The following LONRF2 variants were observed in gnomAD, a reference collection of about 807,000 sequenced individuals.
The protein encoded by LONRF2 is LON peptidase N-terminal domain and ring finger 2, also known as LON peptidase N-terminal domain and RING finger protein 2.
A neutral mutation model predicts 66.6 loss-of-function variants in LONRF2; 35 were observed. That is an observed-to-expected ratio of 0.53 (90% CI 0.40 to 0.70). The LOEUF (loss-of-function observed/expected upper bound fraction) is 0.70. Among genes scored for constraint, LONRF2 ranks in the 30% least tolerant of loss-of-function variants. LONRF2 has a pLI of 0.00. For missense variants in LONRF2, 902 were observed against 1,002.1 expected (o/e 0.90, Z 1.35); for synonymous variants, 417 against 418.1 (o/e 1.00, Z 0.03).
rs1204298795 is a variant in LONRF2, at chr2:100,284,371, C to T, written c.2192G>A (p.Arg731Gln). 3 of 1,596,822 alleles carry T rather than the reference C, an allele frequency of 1.9e-6. No homozygotes were observed. The highest frequency in any genetic ancestry group is 1.7e-4 in the Middle Eastern group (1 of 6,038). Residue 731 changes from arginine (R) to glutamine (Q), a missense_variant, in exon 12 of 12, where the codon CGG (arginine) becomes CAG (glutamine). Physicochemically the swap from Arg to Gln is conservative, Grantham distance 43. Coordinates refer to ENST00000393437, the MANE Select transcript of LONRF2 (RefSeq NM_198461.4). ...SLKERLLAIR[R>Q]ILVIITRKMN... ...CTTACGCGTGATGATGACTAATATC[C>T]GTCGGATGGCAAGGAGCCGCTCTTT...
chr2:100,282,540 C>G lies in LONRF2; in HGVS notation c.*1758G>C, dbSNP rs1199086739. On this transcript the variant is annotated 3_prime_UTR_variant, in exon 12 of 12. Coordinates refer to ENST00000393437, the MANE Select transcript of LONRF2 (RefSeq NM_198461.4). ...TTTGTTTTCTTTATTTTATTCCAAT[C>G]AATGAATGATTCAGTTATTCCAATC... 1.3e-5 allele frequency: 2 copies of G among 152,208 alleles called. No homozygotes were observed. The highest frequency in any genetic ancestry group is 4.8e-5 in the African/African-American group (2 of 41,444). The allele number at this position is 152,208 out of a possible 1,614,324, so 9.4% of individuals were successfully genotyped here.
chr2:100,307,286 G>A (rs1286426048), intron 2 of LONRF2, among the ~76,000 whole-genome samples: 1 of 152,124 alleles, frequency 6.6e-6, no homozygotes, highest in Non-Finnish European at 1.5e-5. Context: ...CAAGAATTGA[G>A]GTCCACAGAT....
At position 100,274,986 on chromosome 2, in the gene LONRF2, G is replaced by A. The variant is rs1674569437; in HGVS notation, c.*9312C>T. On this transcript the variant is annotated 3_prime_UTR_variant, in exon 12 of 12. Coordinates refer to ENST00000393437, the MANE Select transcript of LONRF2 (RefSeq NM_198461.4). ...GCAGGGTGAGTCCGTGTGTGGCACA[G>A]GGCATGCCTCGCCTCTTGGCTGCGC... 6.6e-6 allele frequency: 1 copy of A among 152,318 alleles called. No individual in the cohort carries two copies. Among genetic ancestry groups the A allele is most frequent in the Non-Finnish European group, 1.5e-5 (1 of 68,092 alleles). 9.4% of individuals were successfully genotyped at this position (152,318 alleles called of 1,614,324 possible). A position where few individuals can be genotyped will look rare whatever the true frequency, so the allele number is the denominator to read the frequency against.
chr2:100,285,906 T>C (rs1047120022), intron 11 of LONRF2, among the ~76,000 whole-genome samples: 7 of 152,294 alleles, frequency 4.6e-5, no homozygotes, highest in Middle Eastern at 3.4e-3. Context: ...AGGAAGCTAA[T>C]ATACCCGCCA....
At chr2:100,287,117 C>G in intron 10 of LONRF2, 54 bp from the exon 11 acceptor site, 2 of 1,545,820 alleles carry the variant, frequency 1.3e-6, no homozygotes, top group Non-Finnish European at 1.8e-6. Context: ...ATGCACGTAA[C>G]ACAGTCAGCG....
chr2:100,307,941 A>AT (rs1675329624), intron 2 of LONRF2, among the ~76,000 whole-genome samples: 2 of 110,912 alleles, frequency 1.8e-5, no homozygotes, highest in African/African-American at 6.9e-5. Context: ...TGGAGTCTAA[A>AT]CTTTTTTTTT....
At chr2:100,291,731 C>T (rs567532572) in intron 9 of LONRF2, among the ~76,000 whole-genome samples, 83 of 152,166 alleles carry the variant, frequency 5.5e-4, no homozygotes, top group African/African-American at 2.0e-3. Flanking sequence ...CTTCACAGCC[C>T]CTACCTCTGC....
chr2:100,316,774 T>C (rs1675517080), intron 1 of LONRF2, among the ~76,000 whole-genome samples: 2 of 152,224 alleles, frequency 1.3e-5, no homozygotes, highest in Admixed American at 1.3e-4. Flanking sequence ...TATCAGTTAC[T>C]AAAAGTTTTG....
intron 1 of LONRF2, among the ~76,000 whole-genome samples, chr2:100,317,923 G>A (rs1675539273): frequency 6.6e-6 from 1 of 152,172 alleles, no homozygotes; most frequent in Admixed American, 6.5e-5. Context: ...GTACTTGGAT[G>A]GGTTTTGTGT....
chr2:100,294,262 C>A lies in LONRF2; in HGVS notation c.1724G>T (p.Arg575Leu). The A allele has an allele frequency of 1.2e-6, 2 of 1,605,936 alleles. No individual in the cohort carries two copies. Among genetic ancestry groups the A allele is most frequent in the Non-Finnish European group, 1.7e-6 (2 of 1,177,094 alleles). The change falls in exon 9 of 12, where the codon CGG (arginine) becomes CTG (leucine). Residue 575 changes from arginine (R) to leucine (L), a missense_variant. By Grantham distance (102) the Arg-to-Leu change is moderately radical (BLOSUM62 -2). This residue lies in a region of LONRF2 where 317 missense variants were observed against 432.2 expected (regional missense o/e 0.73). Coordinates refer to ENST00000393437, the MANE Select transcript of LONRF2 (RefSeq NM_198461.4). The stretch of plus-strand genomic sequence containing the variant: ...CTCAGCAGATAAACACATGCCAAAC[C>A]GCTTGGTGCCAGTTTCCATGCATCT... Reference protein sequence around the residue: ...IRRCMETGTKRFGMCLSAEHA... With the variant: ...IRRCMETGTKLFGMCLSAEHA...
chr2:100,316,312 C>T (rs1173389377), intron 1 of LONRF2, among the ~76,000 whole-genome samples: 3 of 65,852 alleles, frequency 4.6e-5, no homozygotes, highest in African/African-American at 2.0e-4. Context: ...GAGCGAGACT[C>T]CATCTCAAAA....
At chr2:100,300,221 A>G (rs914407950) in intron 4 of LONRF2, among the ~76,000 whole-genome samples, 1 of 150,820 alleles carries the variant, frequency 6.6e-6, no homozygotes, top group African/African-American at 2.4e-5. Flanking sequence ...ACATAAAATC[A>G]TATATCATAT....
Position 100,300,724 on chromosome 2 carries a change from G to T in LONRF2, c.985C>A (p.Gln329Lys), listed in dbSNP as rs766034417. The T allele has an allele frequency of 4.3e-6, 7 of 1,613,332 alleles. No individual in the cohort carries two copies. The East Asian group carries it at 1.1e-4, about 26-fold the overall frequency. Residue 329 changes from glutamine to lysine, a missense_variant, in exon 4 of 12, where the codon CAA (glutamine) becomes AAA (lysine). Physicochemically the swap from Gln to Lys is moderately conservative, Grantham distance 53. Coordinates refer to ENST00000393437, the MANE Select transcript of LONRF2 (RefSeq NM_198461.4). ...TGACCCTGAGCCTTTAATCTGCTTT[G>T]GATGGAAGATGTTAAATTTTCATGC... ...NVHENLTSSI[Q>K]SRLKAQGHSH...
In LONRF2 at chr2:100,302,992, C is replaced by T; in HGVS notation, c.850G>A (p.Val284Met). Reference protein sequence around the residue: ...ALSGLGRSKEVLKEFLYCLAL... With the variant: ...ALSGLGRSKEMLKEFLYCLAL... ...AGGCAGTAGAGAAATTCCTTTAACA[C>T]TTCCTTACTTCTTCCCAATCCAGAA... Residue 284 changes from valine (V) to methionine (M), a missense_variant, in exon 3 of 12, where the codon GTG (valine) becomes ATG (methionine). Physicochemically the swap from Val to Met is conservative, Grantham distance 21. This residue lies in a region of LONRF2 where 585 missense variants were observed against 569.9 expected (regional missense o/e 1.03). Transcript: ENST00000393437. 2 of 1,611,550 alleles carry T rather than the reference C, an allele frequency of 1.2e-6. No homozygotes were observed. Among genetic ancestry groups the T allele is most frequent in the Non-Finnish European group, 1.7e-6 (2 of 1,178,508 alleles).
chr2:100,294,116 C>T (rs4850925), intron 9 of LONRF2, 113 bp downstream of exon 9: 266,464 of 1,243,280 alleles, frequency 0.21, 34,854 homozygotes, highest in East Asian at 0.5. Context: ...GACTTTGTTA[C>T]GTAACGGGAG....
intron 2 of LONRF2, among the ~76,000 whole-genome samples, chr2:100,307,087 A>AT (rs1675312028): frequency 6.6e-6 from 1 of 151,600 alleles, no homozygotes; most frequent in South Asian, 2.1e-4. Flanking sequence ...TGCCCAGCTA[A>AT]TTTTTTGTAT....
intron 2 of LONRF2, among the ~76,000 whole-genome samples, chr2:100,304,372 C>T (rs1377881266): frequency 2.0e-5 from 3 of 151,600 alleles, no homozygotes; most frequent in African/African-American, 7.3e-5. Flanking sequence ...GAACTCCTGG[C>T]CTCAAGTGAT....
rs1413857701 is a variant in LONRF2 at position 100,276,024 on chromosome 2, G to A, written c.*8274C>T. ...ATGTACATATGCAGCTAAACGGAAG[G>A]TCCCTAATCTGATCCAATTAGAAAT... is the stretch of plus-strand genomic sequence containing the variant. On this transcript the variant is annotated 3_prime_UTR_variant, in exon 12 of 12. Coordinates refer to ENST00000393437, the MANE Select transcript of LONRF2 (RefSeq NM_198461.4). 1.3e-5 allele frequency: 2 copies of A among 152,002 alleles called. No individual in the cohort carries two copies. Among genetic ancestry groups the A allele is most frequent in the African/African-American group, 2.4e-5 (1 of 41,366 alleles). 9.4% of individuals were successfully genotyped at this position (152,002 alleles called of 1,614,324 possible).
intron 10 of LONRF2, among the ~76,000 whole-genome samples, chr2:100,288,062 G>C (rs1011122955): frequency 1.1e-4 from 16 of 152,114 alleles, no homozygotes; most frequent in Non-Finnish European, 4.4e-5. Flanking sequence ...TCATGTTGTA[G>C]CTATTTAAGC....
Sources: allele counts gnomAD v4.1 joint callset (sites outside exome capture counted in the v4.1 genomes callset), GRCh38; gene constraint gnomAD v4.1.1; regional missense constraint gnomAD v4.1.1; transcripts MANE v1.5; gene names NCBI Gene and HGNC (gene_info 2026-07-23, HGNC 2026-07-21).